Variants in FHIT observed in about 807,000 individuals in gnomAD.
FHIT encodes the protein fragile histidine triad diadenosine triphosphatase.
A neutral mutation model predicts 17.9 loss-of-function variants in FHIT; 19 were observed. That is an observed-to-expected ratio of 1.06 (90% CI 0.74 to 1.56). The LOEUF is 1.56. FHIT is among the 40% of genes most tolerant of loss of function. The pLI, the probability that FHIT is intolerant of heterozygous loss-of-function variation, is 0.00. For missense variants in FHIT, 248 were observed against 189.2 expected (o/e 1.31, Z -1.82); for synonymous variants, 81 against 69.7 (o/e 1.16, Z -0.81).
chr3:60,790,753 A>C (rs1337836934), intron 4 of FHIT, among the ~76,000 whole-genome samples: 2 of 152,204 alleles, frequency 1.3e-5, no homozygotes, highest in African/African-American at 4.8e-5. Flanking sequence ...ACTTGTCCAA[A>C]CACACAGGAC....
chr3:60,342,533 T>A (rs1254568820), intron 5 of FHIT, among the ~76,000 whole-genome samples: 1 of 152,242 alleles, frequency 6.6e-6, no homozygotes, highest in Non-Finnish European at 1.5e-5. Context: ...TGTGAAGCTT[T>A]TAATAGATTG....
intron 2 of FHIT, among the ~76,000 whole-genome samples, chr3:61,143,912 T>C (rs2037156721): frequency 6.6e-6 from 1 of 152,138 alleles, no homozygotes; most frequent in Admixed American, 6.5e-5. Flanking sequence ...TTTTGGAGTT[T>C]TAAAGTGAAA....
intron 7 of FHIT, among the ~76,000 whole-genome samples, chr3:59,984,952 G>C (rs1231173638): frequency 6.6e-6 from 1 of 152,110 alleles, no homozygotes; most frequent in Admixed American, 6.6e-5. Flanking sequence ...AGCCAGGTGT[G>C]TTGAGGTCTA....
chr3:61,193,825 C>G (rs1462910011), intron 2 of FHIT, among the ~76,000 whole-genome samples: 1 of 152,136 alleles, frequency 6.6e-6, no homozygotes, highest in African/African-American at 2.4e-5. Flanking sequence ...ACAAGAGTCA[C>G]AGCCAACATT....
intron 5 of FHIT, among the ~76,000 whole-genome samples, chr3:60,526,944 G>C (rs561479315): frequency 1.3e-5 from 2 of 152,266 alleles, no homozygotes; most frequent in African/African-American, 4.8e-5. Flanking sequence ...TTCAACTGTC[G>C]ATCTTTGTCC....
At chr3:61,024,622 C>T (rs1252488661) in intron 3 of FHIT, among the ~76,000 whole-genome samples, 1 of 152,020 alleles carries the variant, frequency 6.6e-6, no homozygotes, top group African/African-American at 2.4e-5. Context: ...CTGGTTATGA[C>T]TAAATATATA....
At chr3:61,168,883 T>C (rs1464761760) in intron 2 of FHIT, among the ~76,000 whole-genome samples, 1 of 152,210 alleles carries the variant, frequency 6.6e-6, no homozygotes, top group Admixed American at 6.5e-5. Flanking sequence ...GGCTACAAGG[T>C]TGAAAGCCAG....
In FHIT at chr3:59,840,697, G is replaced by A. The variant is rs1419240112; in HGVS notation, c.348+81649C>T. Among the ~76,000 whole-genome samples the A allele has an allele frequency of 2.0e-5, 3 of 152,072 alleles. No homozygotes were observed. In the East Asian group the frequency reaches 5.8e-4, roughly 29 times the overall value. On this transcript the variant is annotated intron_variant, in intron 8 of 9. Coordinates refer to ENST00000492590, the MANE Select transcript of FHIT (RefSeq NM_002012.4). ...CTTTTGCGTGGTTACATCACTCAAC[G>A]TCCCCAGTACATATGTTCAGAAAAA...
intron 5 of FHIT, among the ~76,000 whole-genome samples, chr3:60,283,939 A>G (rs1707590460): frequency 6.6e-6 from 1 of 152,070 alleles, no homozygotes; most frequent in Non-Finnish European, 1.5e-5. Context: ...TTGGATCAGG[A>G]GCCAGTTCAT....
intron 5 of FHIT, among the ~76,000 whole-genome samples, chr3:60,180,841 T>G (rs939900250): frequency 2.0e-5 from 3 of 152,156 alleles, no homozygotes; most frequent in African/African-American, 7.2e-5. Flanking sequence ...ATTGCAAGAT[T>G]AAAGAATCAA....
chr3:59,956,841 G>A (rs1361379863), intron 7 of FHIT, among the ~76,000 whole-genome samples: 1 of 152,104 alleles, frequency 6.6e-6, no homozygotes, highest in Admixed American at 6.6e-5. Flanking sequence ...AAACATTATT[G>A]TCAAAAATCC....
At chr3:60,483,177 G>A (rs1016076719) in intron 5 of FHIT, among the ~76,000 whole-genome samples, 1 of 152,124 alleles carries the variant, frequency 6.6e-6, no homozygotes, top group African/African-American at 2.4e-5. Flanking sequence ...TGAAATTGAG[G>A]CAGTAATTAA....
intron 5 of FHIT, among the ~76,000 whole-genome samples, chr3:60,430,154 T>C (rs1702827915): frequency 6.6e-6 from 1 of 152,046 alleles, no homozygotes; most frequent in Non-Finnish European, 1.5e-5. Flanking sequence ...ATTAAAAAGA[T>C]GCCCTCAGCT....
At chr3:60,438,773 A>C (rs138734032) in intron 5 of FHIT, among the ~76,000 whole-genome samples, 1 of 152,206 alleles carries the variant, frequency 6.6e-6, no homozygotes, top group East Asian at 1.9e-4. Flanking sequence ...GTTGGGTTAA[A>C]TCAAACCTCT....
intron 5 of FHIT, among the ~76,000 whole-genome samples, chr3:60,022,418 G>C (rs1001515059): frequency 6.6e-6 from 1 of 152,244 alleles, no homozygotes; most frequent in Non-Finnish European, 1.5e-5. Context: ...AGGTCAAAGA[G>C]TTGTGAGCGA....
intron 2 of FHIT, among the ~76,000 whole-genome samples, chr3:61,088,427 A>G (rs571135182): frequency 2.0e-4 from 31 of 152,282 alleles, no homozygotes; most frequent in African/African-American, 7.5e-4. Context: ...AGTCCTCTAA[A>G]TAGAATAACA....
intron 5 of FHIT, among the ~76,000 whole-genome samples, chr3:60,391,077 T>G (rs1049109276): frequency 1.3e-5 from 2 of 150,814 alleles, no homozygotes; most frequent in African/African-American, 5.0e-5. Flanking sequence ...GGTCCCAGCT[T>G]CTCATGAGGC....
chr3:60,097,706 T>G, intron 5 of FHIT, among the ~76,000 whole-genome samples: 1 of 148,498 alleles, frequency 6.7e-6, no homozygotes, highest in Non-Finnish European at 1.5e-5. Flanking sequence ...AATTTTTTCT[T>G]TTTTTTAAAA....
At chr3:59,919,229 T>C (rs530344820) in intron 8 of FHIT, among the ~76,000 whole-genome samples, 179 of 152,260 alleles carry the variant, frequency 1.2e-3, no homozygotes, top group Non-Finnish European at 2.2e-3. Context: ...TCTTGAAGAA[T>C]TGTGGCCATG....
Sources: allele counts gnomAD v4.1 joint callset (sites outside exome capture counted in the v4.1 genomes callset), GRCh38; gene constraint gnomAD v4.1.1; transcripts MANE v1.5; gene names NCBI Gene and HGNC (gene_info 2026-07-23, HGNC 2026-07-21).